The following FBXW7 variants were observed in gnomAD, a reference collection of about 807,000 sequenced individuals.
FBXW7 encodes the protein F-box and WD repeat domain containing 7, also known as F-box/WD repeat-containing protein 7.
FBXW7 carries 11 observed loss-of-function variants against 86.3 expected under a neutral mutation model. The observed-to-expected ratio is 0.13, with a 90% confidence interval of 0.08 to 0.21. FBXW7 has a LOEUF of 0.21. Ranked by LOEUF, FBXW7 falls within the 10% of genes least tolerant of loss-of-function variation. FBXW7 has a pLI of 1.00. For synonymous variants in FBXW7, 313 were observed against 297.9 expected (o/e 1.05, Z -0.52); for missense variants, 488 against 847.4 (o/e 0.58, Z 5.27).
chr4:152,436,067 T>C (rs1315591716), intron 2 of FBXW7, among the ~76,000 whole-genome samples: 2 of 152,138 alleles, frequency 1.3e-5, no homozygotes, highest in Non-Finnish European at 2.9e-5. Context: ...CAAAACAATA[T>C]TAAAATTAGG....
chr4:152,463,608 A>G (rs1743158094), intron 2 of FBXW7, among the ~76,000 whole-genome samples: 1 of 152,226 alleles, frequency 6.6e-6, no homozygotes, highest in Non-Finnish European at 1.5e-5. Flanking sequence ...TCATGATTCA[A>G]AAAGCATTTA....
chr4:152,328,898 T>C (rs967402220), intron 10 of FBXW7: 2 of 152,020 alleles, frequency 1.3e-5, no homozygotes, highest in Non-Finnish European at 2.9e-5. Context: ...CAAACTAATA[T>C]TACACTATGG....
chr4:152,324,440 C>T (rs2126481833), intron 12 of FBXW7, 46 bp from the exon 13 acceptor site: 1 of 1,426,258 alleles, frequency 7.0e-7, no homozygotes, highest in Non-Finnish European at 9.7e-7. Context: ...GATACTCTTC[C>T]TATCAATTAC....
chr4:152,441,040 A>G (rs1277433758), intron 2 of FBXW7, among the ~76,000 whole-genome samples: 1 of 152,172 alleles, frequency 6.6e-6, no homozygotes, highest in Non-Finnish European at 1.5e-5. Flanking sequence ...AACATTGATC[A>G]AGAACAATTT....
chr4:152,331,290 T>C (rs1347364435), intron 8 of FBXW7, among the ~76,000 whole-genome samples: 3 of 152,010 alleles, frequency 2.0e-5, no homozygotes, highest in Admixed American at 6.6e-5. Flanking sequence ...CCCATGCTCA[T>C]AGCAGGATTA....
chr4:152,374,608 G>A (rs183265105), intron 4 of FBXW7, among the ~76,000 whole-genome samples: 15 of 152,076 alleles, frequency 9.9e-5, no homozygotes, highest in Non-Finnish European at 1.9e-4. Flanking sequence ...CATATCTCTG[G>A]AAGCATAAAA....
At chr4:152,391,375 TTTAAA>T (rs1220469811) in intron 4 of FBXW7, among the ~76,000 whole-genome samples, 1 of 152,092 alleles carries the variant, frequency 6.6e-6, no homozygotes, top group Non-Finnish European at 1.5e-5. Flanking sequence ...GTAGCTGAGG[TTTAAA>T]TTAAGCTGAG....
chr4:152,511,298 C>A (rs538700086), intron 2 of FBXW7, among the ~76,000 whole-genome samples: 19 of 151,196 alleles, frequency 1.3e-4, no homozygotes, highest in Admixed American at 7.9e-4. Flanking sequence ...CCCCGCCCCC[C>A]CCACCGAATC....
chr4:152,389,725 T>TA (rs1235997474), intron 4 of FBXW7, among the ~76,000 whole-genome samples: 2 of 151,788 alleles, frequency 1.3e-5, no homozygotes, highest in Non-Finnish European at 2.9e-5. Context: ...TATATCCATG[T>TA]AAAAAAAACT....
At chr4:152,385,276 T>A (rs1331865254) in intron 4 of FBXW7, among the ~76,000 whole-genome samples, 1 of 152,022 alleles carries the variant, frequency 6.6e-6, no homozygotes, top group Non-Finnish European at 1.5e-5. Flanking sequence ...TTCTACGAGT[T>A]TAACATGTTC....
chr4:152,455,352 T>A (rs1246794282), intron 2 of FBXW7, among the ~76,000 whole-genome samples: 2 of 152,160 alleles, frequency 1.3e-5, no homozygotes, highest in African/African-American at 2.4e-5. Flanking sequence ...CAGTTTCCAA[T>A]AACATCTTCC....
rs1306557341 is a variant in FBXW7 at position 152,446,929 on chromosome 4, G to T, written c.-119-34400C>A. On this transcript the variant is annotated intron_variant, in intron 2 of 13. Coordinates refer to ENST00000281708, the MANE Select transcript of FBXW7 (RefSeq NM_001349798.2). ...TTATGTTCATCAGTGTTCACAGAAG[G>T]GTTTTTTTCTTGGAAGTCAAGAGAG... 3.3e-5 allele frequency among the ~76,000 whole-genome samples: 5 copies of T among 152,086 alleles called. No homozygotes were observed. In the East Asian group the frequency reaches 7.7e-4, roughly 23 times the overall value.
chr4:152,478,142 A>T (rs1324714667), intron 2 of FBXW7, among the ~76,000 whole-genome samples: 2 of 152,102 alleles, frequency 1.3e-5, no homozygotes, highest in Non-Finnish European at 2.9e-5. Flanking sequence ...GAGTACATTC[A>T]GAATGTTGTA....
At chr4:152,413,636 TC>T (rs1738174857) in intron 2 of FBXW7, among the ~76,000 whole-genome samples, 1 of 152,128 alleles carries the variant, frequency 6.6e-6, no homozygotes, top group South Asian at 2.1e-4. Context: ...GATACTGCCT[TC>T]TTTTCCAAAA....
intron 2 of FBXW7, among the ~76,000 whole-genome samples, chr4:152,456,889 CA>C (rs2149621960): frequency 6.6e-6 from 1 of 152,128 alleles, no homozygotes; most frequent in East Asian, 1.9e-4. Context: ...AGCACAAGTC[CA>C]CATAAAAAAC....
intron 4 of FBXW7, among the ~76,000 whole-genome samples, chr4:152,352,132 G>A (rs1731878862): frequency 1.3e-5 from 2 of 151,962 alleles, no homozygotes; most frequent in South Asian, 4.1e-4. Flanking sequence ...TGTATACAAG[G>A]TATAGAAAAA....
intron 2 of FBXW7, among the ~76,000 whole-genome samples, chr4:152,524,824 G>C (rs1269290463): frequency 6.6e-6 from 1 of 152,034 alleles, no homozygotes; most frequent in East Asian, 1.9e-4. Context: ...TTATCCGCAG[G>C]GGGGAAAAAT....
chr4:152,389,873 A>G (rs1735853239), intron 4 of FBXW7, among the ~76,000 whole-genome samples: 4 of 152,070 alleles, frequency 2.6e-5, no homozygotes, highest in Admixed American at 2.6e-4. Context: ...GCTAGTTTAT[A>G]AAATATATCC....
intron 2 of FBXW7, among the ~76,000 whole-genome samples, chr4:152,457,703 T>G (rs933110781): frequency 1.3e-5 from 2 of 149,614 alleles, no homozygotes; most frequent in African/African-American, 2.5e-5. Flanking sequence ...ATTAAAAAAT[T>G]AGAAGATTAA....
Sources: allele counts gnomAD v4.1 joint callset (sites outside exome capture counted in the v4.1 genomes callset), GRCh38; gene constraint gnomAD v4.1.1; transcripts MANE v1.5; gene names NCBI Gene and HGNC (gene_info 2026-07-23, HGNC 2026-07-21).